The following ABCA1 variants were observed in gnomAD, a reference collection of about 807,000 sequenced individuals.
The protein encoded by ABCA1 is ATP binding cassette subfamily A member 1.
Under a neutral mutation model 262.5 loss-of-function variants are expected in ABCA1, and 133 were observed. That is an observed-to-expected ratio of 0.51 (90% CI 0.44 to 0.59). The LOEUF is 0.59. Ranked by LOEUF, ABCA1 falls within the 20% of genes least tolerant of loss-of-function variation. ABCA1 has a pLI of 0.00. For synonymous variants in ABCA1, 1,022 were observed against 1,043.5 expected, an observed-to-expected ratio of 0.98 and a Z score of 0.40; for missense variants, 2,452 against 2,777.5, an observed-to-expected ratio of 0.88 and a Z score of 2.63.
In ABCA1 at chr9:104,840,539, C is replaced by T; in HGVS notation, c.814-20G>A. On this transcript the variant is annotated intron_variant, in intron 8 of 49. Coordinates refer to ENST00000374736, the MANE Select transcript of ABCA1 (RefSeq NM_005502.4). ...GAACAGCTGGCGTCAGGGATGGGGA[C>T]AGAAAGGAGGGTAGGGGAAGGGAGA... 1.2e-6 allele frequency: 2 copies of T among 1,608,868 alleles called. No homozygotes were observed. The highest frequency in any genetic ancestry group is 1.7e-6 in the Non-Finnish European group (2 of 1,176,466).
chr9:104,845,638 A>T, intron 7 of ABCA1, 69 bp from the exon 8 acceptor site: 1 of 1,106,154 alleles, frequency 9.0e-7, no homozygotes, highest in East Asian at 2.4e-5. Flanking sequence ...GGAAATAAAC[A>T]AGTGAATTAA....
chr9:104,823,501 G>T (rs1036593919), intron 18 of ABCA1, among the ~76,000 whole-genome samples: 2 of 152,156 alleles, frequency 1.3e-5, no homozygotes, highest in African/African-American at 4.8e-5. Flanking sequence ...ATTACTTCTT[G>T]TGAGTCTGTA....
rs1272559250 is a variant in ABCA1 at position 104,782,393 on chromosome 9, A to G, written c.*1922T>C. 1 of 152,156 alleles carries G rather than the reference A, an allele frequency of 6.6e-6. No individual in the cohort carries two copies. The highest frequency in any genetic ancestry group is 2.4e-5 in the African/African-American group (1 of 41,468). The allele number at this position is 152,156 out of a possible 1,614,324, so 9.4% of individuals were successfully genotyped here. On this transcript the variant is annotated 3_prime_UTR_variant, in exon 50 of 50. Transcript: ENST00000374736. ...AGATTAATTTGAAATCTGAAGTCTTACACCTTTAGCGTTAATATTCAAATT... is the reference window on the plus strand; with the variant it reads ...AGATTAATTTGAAATCTGAAGTCTTGCACCTTTAGCGTTAATATTCAAATT...
chr9:104,864,208 A>G (rs55666820), intron 5 of ABCA1, among the ~76,000 whole-genome samples: 3,603 of 152,266 alleles, frequency 0.024, 150 homozygotes, highest in African/African-American at 0.083. Flanking sequence ...ATTAGGGCTG[A>G]CAAGGTTCCA....
intron 7 of ABCA1, chr9:104,855,969 T>C: frequency 2.5e-6 from 4 of 1,612,924 alleles, no homozygotes; most frequent in Non-Finnish European, 3.4e-6. Context: ...CAGAAGCACA[T>C]ATTGAAAGAA....
At chr9:104,882,106 T>C (rs1405846571) in intron 5 of ABCA1, among the ~76,000 whole-genome samples, 2 of 148,934 alleles carry the variant, frequency 1.3e-5, no homozygotes, top group African/African-American at 2.4e-5. Context: ...ATTTCTTCTT[T>C]TGCCAAATAG....
chr9:104,875,351 C>CAAAAAAAAA (rs749025515), intron 5 of ABCA1, among the ~76,000 whole-genome samples: 1 of 63,990 alleles, frequency 1.6e-5, no homozygotes, highest in Non-Finnish European at 3.1e-5. Context: ...GACTCCATCT[C>CAAAAAAAAA]AAAAAAAAAA....
chr9:104,854,459 A>T (rs1835660481), intron 7 of ABCA1, among the ~76,000 whole-genome samples: 1 of 122,004 alleles, frequency 8.2e-6, no homozygotes, highest in East Asian at 2.2e-4. Flanking sequence ...TAGTAGCAAT[A>T]AAAAAAAAAA....
Position 104,806,218 on chromosome 9 carries a change from A to G in ABCA1, c.4464+23T>C, listed in dbSNP as rs1029664272. ...GCCCATCCTGCACCCCTTCTGCCCA[A>G]TCACCCCCTGAAAGTGACTCACTTG... On this transcript the variant is annotated intron_variant, in intron 31 of 49. Transcript: ENST00000374736. 3.1e-6 allele frequency: 5 copies of G among 1,611,156 alleles called. No homozygotes were observed. In the African/African-American group the frequency reaches 5.3e-5, roughly 17 times the overall value.
Position 104,810,669 on chromosome 9 carries a change from T to TA in ABCA1, c.4175+130dup. The TA allele has an allele frequency of 2.8e-6, 4 of 1,420,774 alleles. No homozygotes were observed. In the South Asian group the frequency reaches 3.5e-5, roughly 12 times the overall value. 88.0% of individuals were successfully genotyped at this position (1,420,774 alleles called of 1,614,324 possible). On this transcript the variant is annotated intron_variant, in intron 29 of 49. Coordinates refer to ENST00000374736, the MANE Select transcript of ABCA1 (RefSeq NM_005502.4). ...GTTCTATGCATGCAGTATTAGCTTA[T>TA]ACAGGGACCTGAGCCGCAGCAGTAA...
intron 9 of ABCA1, among the ~76,000 whole-genome samples, chr9:104,839,611 C>T (rs536388482): frequency 6.7e-4 from 102 of 152,248 alleles, no homozygotes; most frequent in South Asian, 1.0e-3. Flanking sequence ...AAGACCAGTA[C>T]ATCATCCTTT....
intron 7 of ABCA1, among the ~76,000 whole-genome samples, chr9:104,853,595 G>C (rs898202864): frequency 6.6e-6 from 1 of 152,214 alleles, no homozygotes; most frequent in Non-Finnish European, 1.5e-5. Flanking sequence ...GCCTAGAACA[G>C]TGCTGGTATA....
At chr9:104,878,061 C>T (rs1838303884) in intron 5 of ABCA1, among the ~76,000 whole-genome samples, 1 of 152,186 alleles carries the variant, frequency 6.6e-6, no homozygotes. Flanking sequence ...CCACACAAAA[C>T]TCACCCAGAG....
At chr9:104,823,656 A>G (rs1376643727) in intron 18 of ABCA1, among the ~76,000 whole-genome samples, 1 of 152,184 alleles carries the variant, frequency 6.6e-6, no homozygotes, top group African/African-American at 2.4e-5. Context: ...TTGAGAAGAT[A>G]GGCAAGTTAG....
At chr9:104,880,795 A>C (rs549868220) in intron 5 of ABCA1, among the ~76,000 whole-genome samples, 1 of 152,246 alleles carries the variant, frequency 6.6e-6, no homozygotes, top group African/African-American at 2.4e-5. Context: ...AGAGCTCTGC[A>C]CACTACTGTA....
chr9:104,913,919 C>T (rs1841662058), intron 1 of ABCA1, among the ~76,000 whole-genome samples: 1 of 152,020 alleles, frequency 6.6e-6, no homozygotes, highest in African/African-American at 2.4e-5. Context: ...CCTCAGCCTC[C>T]CGAGTAGCTG....
At chr9:104,888,669 A>G (rs1839437508) in intron 3 of ABCA1, among the ~76,000 whole-genome samples, 1 of 152,208 alleles carries the variant, frequency 6.6e-6, no homozygotes, top group Admixed American at 6.5e-5. Flanking sequence ...TATGAGAATA[A>G]AATAAAATAA....
chr9:104,787,050 G>T, intron 46 of ABCA1, 74 bp from the exon 47 acceptor site: 2 of 1,343,946 alleles, frequency 1.5e-6, no homozygotes, highest in Non-Finnish European at 2.1e-6. Flanking sequence ...TTTAAATGCA[G>T]AAGCATCTTT....
At chr9:104,829,237 C>T in intron 14 of ABCA1, 99 bp from the exon 15 acceptor site, 1 of 1,170,174 alleles carries the variant, frequency 8.5e-7, no homozygotes, top group Non-Finnish European at 1.2e-6. Context: ...GGGAGCACCA[C>T]ATCTGGGCCA....
Sources: gnomAD v4.1 joint callset for allele counts (sites outside exome capture counted in the v4.1 genomes callset) on GRCh38, gnomAD v4.1.1 for gene constraint, MANE v1.5 for transcripts, NCBI Gene and HGNC (gene_info 2026-07-23, HGNC 2026-07-21) for gene names.